The following IGFN1 variants were observed in gnomAD, a reference collection of about 807,000 sequenced individuals.
IGFN1 encodes immunoglobulin like and fibronectin type III domain containing 1.
A neutral mutation model predicts 289.5 loss-of-function variants in IGFN1; 253 were observed. The ratio of observed to expected loss-of-function variants is 0.87; its 90% CI spans 0.79 to 0.97. IGFN1 has a LOEUF of 0.97. Among genes scored for constraint, IGFN1 ranks in the 50% least tolerant of loss-of-function variants. The pLI is 0.00. For missense variants in IGFN1, 4,470 were observed against 4,686.1 expected (o/e 0.95, Z 1.35); for synonymous variants, 1,706 against 1,788.5 (o/e 0.95, Z 1.16).
chr1:201,197,734 G>GT (rs929600668), intron 5 of IGFN1, among the ~76,000 whole-genome samples: 8 of 151,938 alleles, frequency 5.3e-5, no homozygotes, highest in Non-Finnish European at 8.8e-5. Context: ...TCTCAGACAT[G>GT]TTTTTTTTGG....
chr1:201,208,287 G>A lies in IGFN1; in HGVS notation c.3394G>A (p.Ala1132Thr), dbSNP rs139658488. The A allele has an allele frequency of 5.2e-6, 8 of 1,530,564 alleles. No homozygotes were observed. Among genetic ancestry groups the A allele is most frequent in the East Asian group, 2.4e-5 (1 of 40,866 alleles). 94.8% of individuals were successfully genotyped at this position (1,530,564 alleles called of 1,614,324 possible). ...TTATGGGGGCTTCAGAGCCTCAGAG[G>A]CCCTGGGGGCCTTTGGAGAAGGAGG... ...GNYGGFRASE[A>T]LGAFGEGGYE... The change falls in exon 12 of 24, where the codon GCC becomes ACC. Residue 1132 changes from alanine to threonine, a missense_variant. Around this residue, in one of 8 missense-constraint regions of IGFN1, gnomAD observed 2,011 missense variants for 1,953.4 expected, o/e 1.03. Transcript: ENST00000335211.
intron 21 of IGFN1, 100 bp from the exon 22 acceptor site, chr1:201,225,724 C>T (rs1281581902): frequency 3.1e-5 from 32 of 1,045,368 alleles, no homozygotes; most frequent in Admixed American, 1.2e-4. Context: ...GGCAAGACTG[C>T]GTTCCCCAGG....
rs1452234767 is a variant in IGFN1 at position 201,211,454 on chromosome 1, A to T, written c.6561A>T (p.Gly2187=). Residue 2187 remains glycine (G), a synonymous_variant, in exon 12 of 24, where the codon GGA becomes GGT. Coordinates refer to ENST00000335211, the MANE Select transcript of IGFN1 (RefSeq NM_001164586.2). ...GGAAGGATTTGGGAGCTCCTGAGGG[A>T]ATGGGTTCAGGGAGTAAGGCAGGTT... ...GYRKDLGAPE[G]MGSGSKAGFR... is the part of the protein sequence containing the mutation. The T allele has an allele frequency of 6.7e-7, 1 of 1,498,792 alleles. No individual in the cohort carries two copies. The highest frequency in any genetic ancestry group is 1.4e-5 in the African/African-American group (1 of 70,236). The allele number at this position is 1,498,792 out of a possible 1,614,324, so 92.8% of individuals were successfully genotyped here.
intron 9 of IGFN1, among the ~76,000 whole-genome samples, chr1:201,202,571 G>A (rs1667209514): frequency 6.6e-6 from 1 of 152,088 alleles, no homozygotes; most frequent in Admixed American, 6.5e-5. Flanking sequence ...CTTCATGGCA[G>A]AGAGACTTCC....
In IGFN1 at chr1:201,218,545, T is replaced by A; in HGVS notation, c.9785T>A (p.Val3262Glu). 6.2e-7 allele frequency: 1 copy of A among 1,613,064 alleles called. No individual in the cohort carries two copies. The highest frequency in any genetic ancestry group is 8.5e-7 in the Non-Finnish European group (1 of 1,179,756). ...DQPVPERRWT[V>E]ADVRQGCQYE... ...CTGTTCACAGAGAGGAGGTGGACGG[T>A]GGCGGACGTGCGGCAGGGCTGTCAG... Residue 3262 changes from valine (V) to glutamate (E), a missense_variant, in exon 18 of 24, where the codon GTG becomes GAG. Val to Glu is a moderately radical substitution (Grantham distance 121). Coordinates refer to ENST00000335211, the MANE Select transcript of IGFN1 (RefSeq NM_001164586.2).
At position 201,207,477 on chromosome 1, in the gene IGFN1, A is replaced by G. The variant is rs928839835; in HGVS notation, c.2584A>G (p.Ser862Gly). 1.3e-6 allele frequency: 2 copies of G among 1,531,508 alleles called. No homozygotes were observed. The highest frequency in any genetic ancestry group is 2.7e-5 in the African/African-American group (2 of 72,856). 94.9% of individuals were successfully genotyped at this position (1,531,508 alleles called of 1,614,324 possible). A position where few individuals can be genotyped will look rare whatever the true frequency, so the allele number is the denominator to read the frequency against. ...CCATGGGCCTGGAGTGCTGGGGCCC[A>G]GTGGAGGACAAGAGGGTATGGGTGG... ...AHHGPGVLGP[S>G]GGQEGMGGIW... The change falls in exon 12 of 24, where the codon AGT (serine) becomes GGT (glycine). Residue 862 changes from serine to glycine, a missense_variant. Ser to Gly is a moderately conservative substitution (Grantham distance 56, BLOSUM62 0). Around this residue, in one of 8 missense-constraint regions of IGFN1, gnomAD observed 2,011 missense variants for 1,953.4 expected, o/e 1.03. Coordinates refer to ENST00000335211, the MANE Select transcript of IGFN1 (RefSeq NM_001164586.2).
rs1228061700 is a variant in IGFN1, at chr1:201,208,736, G to C, written c.3843G>C (p.Gly1281=). Residue 1281 remains glycine (G), a synonymous_variant, in exon 12 of 24, where the codon GGG becomes GGC. Transcript: ENST00000335211. The part of the protein sequence containing the change: ...RKGIGSSGEM[G]SVDKEGYKKD... ...GTATTGGGAGTTCTGGGGAAATGGG[G>C]TCAGTGGATAAGGAAGGTTATAAGA... The C allele has an allele frequency of 6.5e-7, 1 of 1,537,076 alleles. No homozygotes were observed. Among genetic ancestry groups the C allele is most frequent in the East Asian group, 2.4e-5 (1 of 40,914 alleles).
chr1:201,198,912 C>G (rs142886045), intron 5 of IGFN1, among the ~76,000 whole-genome samples: 267 of 152,336 alleles, frequency 1.8e-3, no homozygotes, highest in African/African-American at 6.3e-3. Flanking sequence ...ATTAGCCAAA[C>G]AGCAATGTCT....
chr1:201,203,049 C>T (rs1042835928), intron 9 of IGFN1, among the ~76,000 whole-genome samples: 1 of 152,106 alleles, frequency 6.6e-6, no homozygotes, highest in African/African-American at 2.4e-5. Flanking sequence ...AGCCATCACA[C>T]CCGGCCAGTT....
rs1667951805 is a variant in IGFN1, at chr1:201,213,629, C to T, written c.8728+8C>T. 2 of 1,610,680 alleles carry T rather than the reference C, an allele frequency of 1.2e-6. No homozygotes were observed. Among genetic ancestry groups the T allele is most frequent in the African/African-American group, 1.3e-5 (1 of 74,858 alleles). ...TCTCCAAGGATGCCCAAGGTAGGTG[C>T]TTCTCTGCTGAGCTGGCTCCCATGG... is the stretch of plus-strand genomic sequence containing the variant. On this transcript the variant is annotated splice_region_variant and intron_variant, in intron 12 of 23. Transcript: ENST00000335211.
Position 201,208,597 on chromosome 1 carries a change from G to A in IGFN1, c.3704G>A (p.Arg1235Lys). The change falls in exon 12 of 24, where the codon AGG (arginine) becomes AAG (lysine). Residue 1235 changes from arginine (R) to lysine (K), a missense_variant. Around this residue, in one of 8 missense-constraint regions of IGFN1, gnomAD observed 2,011 missense variants for 1,953.4 expected, o/e 1.03. Coordinates refer to ENST00000335211, the MANE Select transcript of IGFN1 (RefSeq NM_001164586.2). ...GTGVRTAYGE[R>K]SRGLGPRSTG... ...GGGGTCAGAACAGCCTATGGAGAAA[G>A]GTCAAGGGGCCTTGGGCCTAGGAGT... The A allele has an allele frequency of 6.7e-7, 1 of 1,497,438 alleles. No individual in the cohort carries two copies. Among genetic ancestry groups the A allele is most frequent in the Non-Finnish European group, 8.8e-7 (1 of 1,130,948 alleles). The allele number at this position is 1,497,438 out of a possible 1,614,324, so 92.8% of individuals were successfully genotyped here.
chr1:201,199,307 C>A (rs1667048996), intron 5 of IGFN1, 27 bp from the exon 6 acceptor site: 9 of 1,550,334 alleles, frequency 5.8e-6, no homozygotes, highest in Non-Finnish European at 7.9e-6. Flanking sequence ...CACATCGACT[C>A]CTTCCTCTCC....
intron 5 of IGFN1, among the ~76,000 whole-genome samples, chr1:201,198,598 T>A (rs980194650): frequency 2.0e-5 from 3 of 152,108 alleles, no homozygotes; most frequent in South Asian, 2.1e-4. Flanking sequence ...CTAATTTTTT[T>A]ATTTTTTTTG....
In IGFN1 at chr1:201,214,397, TC is replaced by T. The variant is rs549749155; in HGVS notation, c.8853+97del. On this transcript the variant is annotated intron_variant, in intron 13 of 23. Coordinates refer to ENST00000335211, the MANE Select transcript of IGFN1 (RefSeq NM_001164586.2). ...GTAGAGGCTTTGAAAGAAAGATTTT[TC>T]ATTCTTCATTTTGCTAATGTATCCA... The T allele has an allele frequency of 4.8e-4, 616 of 1,296,238 alleles. 1 individual carries two copies. The African/African-American group carries it at 8.1e-3, about 17-fold the overall frequency. The allele number at this position is 1,296,238 out of a possible 1,614,324, so 80.3% of individuals were successfully genotyped here.
chr1:201,217,334 C>A lies in IGFN1; in HGVS notation c.9643C>A (p.Gln3215Lys), dbSNP rs1274722331. Residue 3215 changes from glutamine to lysine, a missense_variant, in exon 17 of 24, where the codon CAG becomes AAG. By Grantham distance (53) the Gln-to-Lys change is moderately conservative. Coordinates refer to ENST00000335211, the MANE Select transcript of IGFN1 (RefSeq NM_001164586.2). ...SAPAILSASS[Q>K]GITLTWTAPR... ...GCCAGCCATCCTGTCGGCCTCCAGC[C>A]AGGGCATCACACTGACATGGACAGC... is the stretch of plus-strand genomic sequence containing the variant. 1 of 1,614,044 alleles carries A rather than the reference C, an allele frequency of 6.2e-7. No individual in the cohort carries two copies. The highest frequency in any genetic ancestry group is 1.3e-5 in the African/African-American group (1 of 74,944).
rs1042203951 is a variant in IGFN1, at chr1:201,212,285, C to A, written c.7392C>A (p.Thr2464=). ...RQTLSDERGS[T]KDLGGYGTSG... is the part of the protein sequence containing the mutation. ...CTCTTTCAGATGAGCGAGGCTCCAC[C>A]AAAGATCTTGGGGGCTATGGAACTT... Residue 2464 remains threonine (T), a synonymous_variant, in exon 12 of 24, where the codon ACC becomes ACA. Coordinates refer to ENST00000335211, the MANE Select transcript of IGFN1 (RefSeq NM_001164586.2). 1 of 1,536,288 alleles carries A rather than the reference C, an allele frequency of 6.5e-7. No individual in the cohort carries two copies. The highest frequency in any genetic ancestry group is 8.7e-7 in the Non-Finnish European group (1 of 1,146,674).
chr1:201,215,929 T>C, intron 15 of IGFN1, 91 bp downstream of exon 15: 1 of 1,224,308 alleles, frequency 8.2e-7, no homozygotes, highest in Non-Finnish European at 1.2e-6. Context: ...GGATATGATC[T>C]CTGCTGGCTC....
intron 4 of IGFN1, 38 bp downstream of exon 4, chr1:201,196,016 C>G (rs565051828): frequency 6.5e-7 from 1 of 1,543,284 alleles, no homozygotes; most frequent in Admixed American, 2.0e-5. Context: ...AGGGTCTACT[C>G]GTCTTTTCCC....
chr1:201,191,401 G>A (rs1354038426), intron 1 of IGFN1, among the ~76,000 whole-genome samples: 1 of 152,166 alleles, frequency 6.6e-6, no homozygotes, highest in Non-Finnish European at 1.5e-5. Flanking sequence ...TAGGGAAAAA[G>A]GATGGGGAGC....
Sources: gnomAD v4.1 joint callset for allele counts (sites outside exome capture counted in the v4.1 genomes callset) on GRCh38, gnomAD v4.1.1 for gene constraint, gnomAD v4.1.1 regional missense constraint, MANE v1.5 for transcripts, NCBI Gene and HGNC (gene_info 2026-07-23, HGNC 2026-07-21) for gene names.